Variants in MGAT5 observed in about 807,000 individuals in gnomAD.
MGAT5 encodes the protein alpha-1,6-mannosylglycoprotein 6-beta-N-acetylglucosaminyltransferase.
MGAT5 carries 30 observed loss-of-function variants against 94.3 expected under a neutral mutation model. That is an observed-to-expected ratio of 0.32 (90% confidence interval 0.24 to 0.43). The LOEUF is 0.43. MGAT5 is among the 20% of genes least tolerant of loss of function. The pLI, the probability that MGAT5 is intolerant of heterozygous loss-of-function variation, is 1.00. For synonymous variants in MGAT5, 310 were observed against 322.9 expected (o/e 0.96, Z 0.43); for missense variants, 691 against 905.5 (o/e 0.76, Z 3.04).
intron 9 of MGAT5, among the ~76,000 whole-genome samples, chr2:134,352,531 T>C (rs935052495): frequency 7.2e-5 from 11 of 152,266 alleles, no homozygotes; most frequent in East Asian, 3.9e-4. Flanking sequence ...AATGAACTTA[T>C]GTTTCCAAAA....
intron 10 of MGAT5, among the ~76,000 whole-genome samples, chr2:134,399,362 T>C (rs1050018348): frequency 6.6e-6 from 1 of 152,230 alleles, no homozygotes; most frequent in East Asian, 1.9e-4. Flanking sequence ...GTTCTGAACA[T>C]GTACCTGCCT....
chr2:134,361,770 A>C (rs1680111114), intron 9 of MGAT5, among the ~76,000 whole-genome samples: 2 of 152,164 alleles, frequency 1.3e-5, no homozygotes, highest in Non-Finnish European at 2.9e-5. Flanking sequence ...GAGGAGATGA[A>C]AGGTTCTGAG....
intron 1 of MGAT5, among the ~76,000 whole-genome samples, chr2:134,257,422 A>T (rs764195049): frequency 6.6e-6 from 1 of 152,116 alleles, no homozygotes; most frequent in African/African-American, 2.4e-5. Context: ...GGGTTTCACC[A>T]TGTTGGCCAG....
chr2:134,354,814 T>A (rs1573899589), intron 9 of MGAT5, among the ~76,000 whole-genome samples: 1 of 152,198 alleles, frequency 6.6e-6, no homozygotes, highest in Non-Finnish European at 1.5e-5. Flanking sequence ...CTGGTAAGTC[T>A]GGTTGTTCCT....
intron 4 of MGAT5, among the ~76,000 whole-genome samples, chr2:134,321,526 G>A (rs1687321444): frequency 1.3e-5 from 2 of 152,198 alleles, no homozygotes; most frequent in African/African-American, 2.4e-5. Context: ...GAAAAGTGAG[G>A]TTCTGGGGAA....
intron 10 of MGAT5, among the ~76,000 whole-genome samples, chr2:134,381,725 T>C (rs1217344613): frequency 1.3e-5 from 2 of 152,218 alleles, no homozygotes; most frequent in Non-Finnish European, 2.9e-5. Context: ...TTTTCCAAAA[T>C]CCTGCCCAGG....
chr2:134,133,114 G>T (rs1686253008), intron 1 of MGAT5, among the ~76,000 whole-genome samples: 1 of 152,186 alleles, frequency 6.6e-6, no homozygotes, highest in African/African-American at 2.4e-5. Context: ...AGTGGGAAAG[G>T]CAAAGAAACA....
At chr2:134,446,347 T>C (rs1685772429) in intron 15 of MGAT5, among the ~76,000 whole-genome samples, 1 of 151,964 alleles carries the variant, frequency 6.6e-6, no homozygotes. Flanking sequence ...CCATGGGGTC[T>C]GAGAGTCGCC....
chr2:134,316,452 G>GC (rs1687003428), intron 2 of MGAT5, among the ~76,000 whole-genome samples: 1 of 152,142 alleles, frequency 6.6e-6, no homozygotes, highest in Non-Finnish European at 1.5e-5. Flanking sequence ...GCTTTGGAGA[G>GC]TGGGTTGGGT....
chr2:134,333,832 C>G (rs1444117892), intron 4 of MGAT5, among the ~76,000 whole-genome samples: 4 of 152,134 alleles, frequency 2.6e-5, no homozygotes. Context: ...GGAGTTATTG[C>G]CAATGCTGGC....
intron 1 of MGAT5, among the ~76,000 whole-genome samples, chr2:134,221,487 G>A (rs1017677545): frequency 6.6e-6 from 1 of 152,096 alleles, no homozygotes; most frequent in Admixed American, 6.5e-5. Context: ...GAGAGAGCAG[G>A]TTGTAAAATG....
chr2:134,214,595 G>A (rs1485157797), intron 1 of MGAT5, among the ~76,000 whole-genome samples: 4 of 151,866 alleles, frequency 2.6e-5, no homozygotes, highest in Non-Finnish European at 5.9e-5. Flanking sequence ...AAGGGTCTTG[G>A]AAGCTCTTTG....
At chr2:134,274,358 G>T (rs1684215579) in intron 2 of MGAT5, among the ~76,000 whole-genome samples, 1 of 152,166 alleles carries the variant, frequency 6.6e-6, no homozygotes, top group Non-Finnish European at 1.5e-5. Context: ...AGTCGGACTT[G>T]GTATTTCGTT....
chr2:134,228,190 T>C (rs1362460828), intron 1 of MGAT5, among the ~76,000 whole-genome samples: 1 of 152,124 alleles, frequency 6.6e-6, no homozygotes, highest in Non-Finnish European at 1.5e-5. Flanking sequence ...AGTGTGTGAC[T>C]GTGTGTGTTT....
At chr2:134,176,837 G>T (rs1252505875) in intron 1 of MGAT5, among the ~76,000 whole-genome samples, 1 of 152,132 alleles carries the variant, frequency 6.6e-6, no homozygotes, top group Non-Finnish European at 1.5e-5. Context: ...TTTGAGAGGT[G>T]GGTCTCAGCT....
chr2:134,381,374 A>AGATAGATAGAT (rs60788131), intron 10 of MGAT5, among the ~76,000 whole-genome samples: 23 of 60,746 alleles, frequency 3.8e-4, no homozygotes, highest in Admixed American at 1.1e-3. Context: ...TAGATAAGAT[A>AGATAGATAGAT]AGATAGATTA....
chr2:134,232,240 C>T (rs972613371), intron 1 of MGAT5, among the ~76,000 whole-genome samples: 3 of 152,198 alleles, frequency 2.0e-5, no homozygotes, highest in African/African-American at 4.8e-5. Context: ...ATTTCTCACC[C>T]GGATTTTCAT....
intron 2 of MGAT5, among the ~76,000 whole-genome samples, chr2:134,279,373 G>A (rs1684563268): frequency 6.6e-6 from 1 of 152,006 alleles, no homozygotes; most frequent in African/African-American, 2.4e-5. Context: ...GTGTTTCTTG[G>A]TGGCTAATTA....
In MGAT5 at chr2:134,371,803, G is replaced by C. The variant is rs184366773; in HGVS notation, c.1380+9395G>C. Among the ~76,000 whole-genome samples the C allele has an allele frequency of 4.7e-4, 71 of 152,254 alleles. 1 individual carries two copies. Among genetic ancestry groups the C allele is most frequent in the African/African-American group, 1.6e-3 (68 of 41,530 alleles). On this transcript the variant is annotated intron_variant, in intron 10 of 15. Coordinates refer to ENST00000281923, the MANE Select transcript of MGAT5 (RefSeq NM_002410.5). The stretch of plus-strand genomic sequence containing the variant: ...ATAGCTTGGTTGTAGGTCCAGGCAG[G>C]ACTCTGACATGGCCCTCTGGAATAG...
Sources: gnomAD v4.1 joint callset for allele counts (sites outside exome capture counted in the v4.1 genomes callset) on GRCh38, gnomAD v4.1.1 for gene constraint, MANE v1.5 for transcripts, NCBI Gene and HGNC (gene_info 2026-07-23, HGNC 2026-07-21) for gene names.